RYR2: variants seen among roughly 807,000 people sequenced by gnomAD.
RYR2 encodes the protein cardiac muscle ryanodine receptor-calcium release channel.
RYR2 carries 227 observed loss-of-function variants against 601.1 expected under a neutral mutation model. That is an observed-to-expected ratio of 0.38 (90% confidence interval 0.34 to 0.42). The LOEUF (loss-of-function observed/expected upper bound fraction) is 0.42. Among genes scored for constraint, RYR2 ranks in the 10% least tolerant of loss-of-function variants. The pLI is 1.00. For missense variants in RYR2, 4,646 were observed against 6,156.5 expected (o/e 0.75, Z 8.21); for synonymous variants, 2,223 against 2,175.1 (o/e 1.02, Z -0.61).
At chr1:237,150,305 G>A (rs1674566007) in intron 1 of RYR2, among the ~76,000 whole-genome samples, 2 of 152,166 alleles carry the variant, frequency 1.3e-5, no homozygotes, top group Non-Finnish European at 2.9e-5. Context: ...GGAATTAAGA[G>A]GCATGTAAGG....
intron 2 of RYR2, among the ~76,000 whole-genome samples, chr1:237,284,721 C>A (rs1691353421): frequency 6.7e-6 from 1 of 150,242 alleles, no homozygotes; most frequent in East Asian, 2.0e-4. Flanking sequence ...CCCACACACA[C>A]AGCACAGTTT....
chr1:237,792,382 CGTGTGTGT>C (rs1359233766), intron 94 of RYR2, 59 bp downstream of exon 94: 5 of 667,038 alleles, frequency 7.5e-6, no homozygotes, highest in African/African-American at 4.7e-5. Context: ...TGTGTGTGTG[CGTGTGTGT>C]GTGTGTGCGT....
intron 1 of RYR2, among the ~76,000 whole-genome samples, chr1:237,135,411 C>G (rs1672659816): frequency 6.6e-6 from 1 of 151,442 alleles, no homozygotes; most frequent in South Asian, 2.1e-4. Flanking sequence ...GCTCTGTTAC[C>G]CAGGTTGGAG....
At chr1:237,284,663 A>G (rs1343218885) in intron 2 of RYR2, among the ~76,000 whole-genome samples, 2 of 71,412 alleles carry the variant, frequency 2.8e-5, no homozygotes, top group African/African-American at 1.5e-4. Flanking sequence ...TATATATTCC[A>G]CCATATATAT....
rs376080602 is a variant in RYR2 at position 237,417,141 on chromosome 1, A to G, written c.848+18A>G. 1.4e-5 allele frequency: 23 copies of G among 1,594,630 alleles called. No homozygotes were observed. The highest frequency in any genetic ancestry group is 2.0e-5 in the Non-Finnish European group (23 of 1,162,582). ...AGAGTTGCGTAAGTAGAACTTCTAA[A>G]CACAGCCTAATGCACCAAGTGTACC... On this transcript the variant is annotated intron_variant, in intron 11 of 104. Coordinates refer to ENST00000366574, the MANE Select transcript of RYR2 (RefSeq NM_001035.3).
chr1:237,622,511 T>C (rs2148640549), intron 38 of RYR2, among the ~76,000 whole-genome samples: 2 of 152,324 alleles, frequency 1.3e-5, no homozygotes, highest in Non-Finnish European at 2.9e-5. Flanking sequence ...ATGAATTTCA[T>C]TTTTAGACTT....
chr1:237,109,049 T>C (rs1669115277), intron 1 of RYR2, among the ~76,000 whole-genome samples: 1 of 152,158 alleles, frequency 6.6e-6, no homozygotes. Context: ...ATATGTGTGT[T>C]CAACAGAATA....
chr1:237,066,881 C>T (rs915456463), intron 1 of RYR2, among the ~76,000 whole-genome samples: 9 of 152,128 alleles, frequency 5.9e-5, no homozygotes, highest in Admixed American at 4.6e-4. Flanking sequence ...TCGCAATCCG[C>T]CCGCCTCGGC....
chr1:237,574,201 G>A (rs1478567871), intron 29 of RYR2, among the ~76,000 whole-genome samples: 3 of 152,166 alleles, frequency 2.0e-5, no homozygotes, highest in Admixed American at 6.5e-5. Context: ...AAGACCCCTT[G>A]GACTGTAATG....
At chr1:237,533,628 A>G (rs1230392347) in intron 25 of RYR2, among the ~76,000 whole-genome samples, 1 of 152,208 alleles carries the variant, frequency 6.6e-6, no homozygotes, top group African/African-American at 2.4e-5. Context: ...TGTAAAAAAC[A>G]TTCTACAAGG....
intron 2 of RYR2, among the ~76,000 whole-genome samples, chr1:237,313,957 G>GTTT (rs34046795): frequency 1.1e-5 from 1 of 91,840 alleles, no homozygotes; most frequent in Non-Finnish European, 2.2e-5. Flanking sequence ...ATTTTCAGGT[G>GTTT]TTTTTTTTTT....
intron 3 of RYR2, among the ~76,000 whole-genome samples, chr1:237,343,535 T>A (rs1698019264): frequency 6.6e-6 from 1 of 152,162 alleles, no homozygotes; most frequent in African/African-American, 2.4e-5. Context: ...AAGTGATTTT[T>A]TTTTTCAGAT....
chr1:237,383,531 G>A (rs778080068), intron 8 of RYR2, among the ~76,000 whole-genome samples: 11 of 134,208 alleles, frequency 8.2e-5, no homozygotes, highest in African/African-American at 2.8e-4. Flanking sequence ...CCGGGTTCAC[G>A]CCATTCTCCT....
intron 1 of RYR2, among the ~76,000 whole-genome samples, chr1:237,082,464 A>G (rs1665819286): frequency 6.8e-6 from 1 of 146,156 alleles, no homozygotes; most frequent in Non-Finnish European, 1.5e-5. Context: ...TGCACCTGAT[A>G]ACTGCCTGTT....
chr1:237,158,451 G>A (rs1000195644), intron 1 of RYR2, among the ~76,000 whole-genome samples: 10 of 152,134 alleles, frequency 6.6e-5, no homozygotes, highest in African/African-American at 2.2e-4. Flanking sequence ...TTTCATATAT[G>A]CCTTCTCCCG....
chr1:237,347,053 A>ACCTCTTTTTATATAGG lies in RYR2; in HGVS notation c.274-8912_274-8911insCCTCTTTTTATATAGG, dbSNP rs1176367879. 2.0e-5 allele frequency among the ~76,000 whole-genome samples: 3 copies of ACCTCTTTTTATATAGG among 152,150 alleles called. No homozygotes were observed. In the South Asian group the frequency reaches 6.2e-4, roughly 31 times the overall value. On this transcript the variant is annotated intron_variant, in intron 3 of 104. Coordinates refer to ENST00000366574, the MANE Select transcript of RYR2 (RefSeq NM_001035.3). Reference sequence around the variant, plus strand: ...TATGAAAATGGAAAAGAGGTTGGGCATGGTGGCTCACACCTATAATCCTAG... The same window carrying ACCTCTTTTTATATAGG: ...TATGAAAATGGAAAAGAGGTTGGGCACCTCTTTTTATATAGGTGGTGGCTCACACCTATAATCCTAG...
intron 95 of RYR2, 76 bp downstream of exon 95, chr1:237,794,073 G>C: frequency 7.5e-7 from 1 of 1,335,794 alleles, no homozygotes; most frequent in Non-Finnish European, 1.1e-6. Flanking sequence ...AGTTCCTGCA[G>C]ATTTGTCAAA....
At chr1:237,299,127 C>CTTTTTTTTTTTTTTT (rs3086046) in intron 2 of RYR2, among the ~76,000 whole-genome samples, 1 of 145,406 alleles carries the variant, frequency 6.9e-6, no homozygotes, top group Admixed American at 6.9e-5. Context: ...TTCCTAGAGT[C>CTTTTTTTTTTTTTTT]TTTTTTTTTT....
chr1:237,553,858 A>G (rs1237591533), intron 27 of RYR2, among the ~76,000 whole-genome samples: 2 of 151,948 alleles, frequency 1.3e-5, no homozygotes, highest in African/African-American at 4.8e-5. Context: ...TGATATTTAC[A>G]TATTGATCTT....
Sources: gnomAD v4.1 joint callset for allele counts (sites outside exome capture counted in the v4.1 genomes callset) on GRCh38, gnomAD v4.1.1 for gene constraint, MANE v1.5 for transcripts, NCBI Gene and HGNC (gene_info 2026-07-23, HGNC 2026-07-21) for gene names.